RARB: variants seen among roughly 807,000 people sequenced by gnomAD.
The protein encoded by RARB is retinoic acid receptor beta.
Under a neutral mutation model 51.9 loss-of-function variants are expected in RARB, and 17 were observed. That is an observed-to-expected ratio of 0.33 (90% CI 0.22 to 0.49). The LOEUF (loss-of-function observed/expected upper bound fraction) is 0.49, where lower values mean the gene tolerates loss of function less well. RARB is among the 20% of genes least tolerant of loss of function. The pLI, the probability that RARB is intolerant of heterozygous loss-of-function variation, is 0.99. For synonymous variants in RARB, 215 were observed against 195.4 expected, an observed-to-expected ratio of 1.10 and a Z score of -0.84; for missense variants, 369 against 550.8, an observed-to-expected ratio of 0.67 and a Z score of 3.30.
intron 2 of RARB, among the ~76,000 whole-genome samples, chr3:25,467,330 C>T (rs776594386): frequency 2.0e-5 from 3 of 152,254 alleles, no homozygotes; most frequent in African/African-American, 4.8e-5. Context: ...GATAGGTCTT[C>T]TTGTCTTGGC....
intron 4 of RARB, among the ~76,000 whole-genome samples, chr3:25,167,109 G>A (rs1337834909): frequency 2.6e-5 from 4 of 152,064 alleles, no homozygotes; most frequent in African/African-American, 7.2e-5. Context: ...TGAGTGAACC[G>A]TTTCCTCATA....
chr3:25,552,745 A>AATACTT (rs5847364), intron 3 of RARB, among the ~76,000 whole-genome samples: 95,174 of 151,432 alleles, frequency 0.63, 32,070 homozygotes, highest in African/African-American at 0.89. Flanking sequence ...AGAATTTTGA[A>AATACTT]ATGGGTGTAA....
At chr3:24,928,887 T>G (rs527940734) in intron 2 of RARB, among the ~76,000 whole-genome samples, 4 of 152,042 alleles carry the variant, frequency 2.6e-5, no homozygotes, top group African/African-American at 9.7e-5. Context: ...TCCTAGAAAT[T>G]GGGTTCGTTT....
intron 1 of RARB, among the ~76,000 whole-genome samples, chr3:25,445,685 A>G (rs1575410845): frequency 6.6e-6 from 1 of 152,130 alleles, no homozygotes; most frequent in South Asian, 2.1e-4. Flanking sequence ...ATAATAAGGA[A>G]TATCAGAGAG....
At position 25,050,303 on chromosome 3, in the gene RARB, TA is replaced by T. The variant is rs201420259; in HGVS notation, c.-379-9820del. On this transcript the variant is annotated intron_variant, in intron 2 of 11. Transcript: ENST00000383772. ...TCAAGGTGAGCTGCTTTCAAGCAGATAAGACACACTGCATCACCTTATGACC... is the reference window on the plus strand; with the variant it reads ...TCAAGGTGAGCTGCTTTCAAGCAGATAGACACACTGCATCACCTTATGACC... 4.5e-4 allele frequency among the ~76,000 whole-genome samples: 69 copies of T among 152,214 alleles called. No individual in the cohort carries two copies. The East Asian group carries it at 0.011, about 24-fold the overall frequency.
At chr3:25,372,445 G>A (rs986689637) in intron 5 of RARB, among the ~76,000 whole-genome samples, 4 of 152,146 alleles carry the variant, frequency 2.6e-5, no homozygotes, top group Non-Finnish European at 5.9e-5. Flanking sequence ...ATTTTTGCAG[G>A]AGACATAATA....
chr3:25,187,083 G>T (rs947492238), intron 5 of RARB, among the ~76,000 whole-genome samples: 6 of 152,024 alleles, frequency 3.9e-5, no homozygotes, highest in Non-Finnish European at 7.4e-5. Context: ...TGCTTCTTCA[G>T]AGATAGGGAT....
intron 2 of RARB, among the ~76,000 whole-genome samples, chr3:25,042,291 A>G (rs17015657): frequency 0.016 from 2,506 of 152,314 alleles, 73 homozygotes; most frequent in African/African-American, 0.056. Flanking sequence ...AATTAAACAG[A>G]TATGAAAGCA....
intron 2 of RARB, among the ~76,000 whole-genome samples, chr3:25,011,432 T>C (rs964850512): frequency 3.9e-5 from 6 of 152,122 alleles, no homozygotes; most frequent in Admixed American, 2.0e-4. Flanking sequence ...TAAAACTTTG[T>C]TAATGGTAAA....
chr3:25,293,725 G>A (rs1444282762), intron 5 of RARB, among the ~76,000 whole-genome samples: 1 of 151,494 alleles, frequency 6.6e-6, no homozygotes, highest in African/African-American at 2.4e-5. Flanking sequence ...AAATGGAAAT[G>A]TCTCAGGTTT....
At chr3:24,850,597 C>G (rs2125336144) in intron 1 of RARB, among the ~76,000 whole-genome samples, 1 of 152,160 alleles carries the variant, frequency 6.6e-6, no homozygotes, top group East Asian at 1.9e-4. Flanking sequence ...GAAACCTATG[C>G]AGACAGAAGA....
intron 5 of RARB, among the ~76,000 whole-genome samples, chr3:25,265,622 AC>A (rs1246392464): frequency 6.6e-6 from 1 of 151,692 alleles, no homozygotes; most frequent in Non-Finnish European, 1.5e-5. Flanking sequence ...ACAGGCATGC[AC>A]CCCCATGCCT....
At chr3:25,351,991 C>T (rs983121060) in intron 5 of RARB, among the ~76,000 whole-genome samples, 5 of 152,110 alleles carry the variant, frequency 3.3e-5, no homozygotes, top group South Asian at 4.1e-4. Flanking sequence ...TGTTTTAAGT[C>T]GAAATAAGAA....
At chr3:25,509,011 T>C (rs1483876762) in intron 3 of RARB, among the ~76,000 whole-genome samples, 1 of 152,178 alleles carries the variant, frequency 6.6e-6, no homozygotes, top group Non-Finnish European at 1.5e-5. Context: ...CCTTCAGCTT[T>C]ACTAATATAT....
chr3:25,342,328 T>C (rs1705253351), intron 5 of RARB, among the ~76,000 whole-genome samples: 1 of 152,222 alleles, frequency 6.6e-6, no homozygotes. Context: ...TTTAGTTCTT[T>C]ATCACTAAAG....
At chr3:24,981,135 T>C (rs1025372542) in intron 2 of RARB, among the ~76,000 whole-genome samples, 2 of 152,166 alleles carry the variant, frequency 1.3e-5, no homozygotes, top group Non-Finnish European at 2.9e-5. Context: ...ATCCTTCTTA[T>C]GGAAGCTTCG....
intron 2 of RARB, among the ~76,000 whole-genome samples, chr3:24,937,951 A>C (rs533279901): frequency 6.6e-6 from 1 of 152,300 alleles, no homozygotes; most frequent in South Asian, 2.1e-4. Flanking sequence ...GCACATGAGA[A>C]GGGTGACTGT....
At chr3:25,266,264 A>G (rs1703124431) in intron 5 of RARB, among the ~76,000 whole-genome samples, 2 of 152,158 alleles carry the variant, frequency 1.3e-5, no homozygotes, top group East Asian at 1.9e-4. Context: ...ATACAACAAT[A>G]GGGGTTCTAG....
chr3:25,314,321 T>C (rs1276556445), intron 5 of RARB, among the ~76,000 whole-genome samples: 2 of 152,232 alleles, frequency 1.3e-5, no homozygotes, highest in Non-Finnish European at 2.9e-5. Flanking sequence ...TTCCTCACTA[T>C]GCTAATTGGA....
Sources: gnomAD v4.1 joint callset for allele counts (sites outside exome capture counted in the v4.1 genomes callset) on GRCh38, gnomAD v4.1.1 for gene constraint, MANE v1.5 for transcripts, NCBI Gene and HGNC (gene_info 2026-07-23, HGNC 2026-07-21) for gene names.